RPRD1B: variants seen among roughly 807,000 people sequenced by gnomAD.
The protein encoded by RPRD1B is regulation of nuclear pre-mRNA domain containing 1B, also known as regulation of nuclear pre-mRNA domain-containing protein 1B.
A neutral mutation model predicts 41.5 loss-of-function variants in RPRD1B; 11 were observed. The observed-to-expected ratio is 0.27, with a 90% CI of 0.17 to 0.44. The LOEUF is 0.44. RPRD1B is among the 20% of genes least tolerant of loss of function. The pLI is 1.00. For synonymous variants in RPRD1B, 158 were observed against 155.6 expected (o/e 1.02, Z -0.12); for missense variants, 248 against 389.9 (o/e 0.64, Z 3.06).
At chr20:38,052,197 T>C (rs2074192065) in intron 3 of RPRD1B, among the ~76,000 whole-genome samples, 1 of 152,216 alleles carries the variant, frequency 6.6e-6, no homozygotes, top group African/African-American at 2.4e-5. Context: ...AGGTAAGATA[T>C]TATCAGTGGG....
At chr20:38,063,451 A>G (rs952198943) in intron 5 of RPRD1B, among the ~76,000 whole-genome samples, 1 of 152,198 alleles carries the variant, frequency 6.6e-6, no homozygotes, top group Non-Finnish European at 1.5e-5. Flanking sequence ...TGTTAAACTA[A>G]TTGGAAGGTT....
chr20:38,072,069 C>A (rs1385954219), intron 6 of RPRD1B, among the ~76,000 whole-genome samples: 1 of 152,130 alleles, frequency 6.6e-6, no homozygotes, highest in African/African-American at 2.4e-5. Flanking sequence ...CTTTTGGTGT[C>A]ACATGTAATA....
rs2074617158 is a variant in RPRD1B, at chr20:38,092,227, TAAA to T, written c.*2353_*2355del. On this transcript the variant is annotated 3_prime_UTR_variant, in exon 7 of 7. Transcript: ENST00000373433. ...CTTGTTTTTGTTTGTTTGTTTTTCT[TAAA>T]GAATATTTTCAAAGCTTAAATTTGT... 2.0e-6 allele frequency: 2 copies of T among 985,252 alleles called. No individual in the cohort carries two copies. Among genetic ancestry groups the T allele is most frequent in the African/African-American group, 1.7e-5 (1 of 57,210 alleles). The allele number at this position is 985,252 out of a possible 1,614,324, so 61.0% of individuals were successfully genotyped here.
chr20:38,038,229 G>T (rs1036254873), intron 1 of RPRD1B, among the ~76,000 whole-genome samples: 7 of 151,866 alleles, frequency 4.6e-5, no homozygotes, highest in Non-Finnish European at 5.9e-5. Context: ...GAGCATTTAA[G>T]ACATCAGTTT....
intron 6 of RPRD1B, among the ~76,000 whole-genome samples, chr20:38,074,836 A>G (rs1027256292): frequency 6.6e-6 from 1 of 152,322 alleles, no homozygotes; most frequent in Middle Eastern, 3.4e-3. Context: ...AATTAGTCTC[A>G]TTACCCAGAG....
chr20:38,068,545 T>C (rs1432852974), intron 6 of RPRD1B, among the ~76,000 whole-genome samples: 1 of 152,164 alleles, frequency 6.6e-6, no homozygotes, highest in African/African-American at 2.4e-5. Context: ...ATTATAGGCA[T>C]GTACTACCAC....
rs929781238 is a variant in RPRD1B at position 38,090,790 on chromosome 20, G to A, written c.*915G>A. The A allele has an allele frequency of 4.0e-5, 39 of 985,418 alleles. No individual in the cohort carries two copies. Among genetic ancestry groups the A allele is most frequent in the Non-Finnish European group, 4.7e-5 (39 of 829,916 alleles). 61.0% of individuals were successfully genotyped at this position (985,418 alleles called of 1,614,324 possible). The stretch of plus-strand genomic sequence containing the variant: ...GTTTCTTGGACCCTTTCTTCTGGGA[G>A]TAGGGTACACACTAACGTTTAATCC... On this transcript the variant is annotated 3_prime_UTR_variant, in exon 7 of 7. Coordinates refer to ENST00000373433, the MANE Select transcript of RPRD1B (RefSeq NM_021215.4).
At chr20:38,042,959 T>G (rs552750757) in intron 2 of RPRD1B, among the ~76,000 whole-genome samples, 1 of 152,364 alleles carries the variant, frequency 6.6e-6, no homozygotes, top group Non-Finnish European at 1.5e-5. Context: ...AAACTTGCTT[T>G]TCATACAAGT....
chr20:38,050,584 T>G (rs2074175374), intron 3 of RPRD1B, among the ~76,000 whole-genome samples: 1 of 152,218 alleles, frequency 6.6e-6, no homozygotes, highest in Non-Finnish European at 1.5e-5. Context: ...AATGTACATT[T>G]GCTGGACACA....
rs187931687 is a variant in RPRD1B, at chr20:38,060,660, G to A, written c.655+1140G>A. On this transcript the variant is annotated intron_variant, in intron 5 of 6. Coordinates refer to ENST00000373433, the MANE Select transcript of RPRD1B (RefSeq NM_021215.4). ...GCAGCACAGGGAAAGACCTCAGGCA[G>A]TGGGCGTACTGGGTTGGAGAACACA... 2.1e-3 allele frequency among the ~76,000 whole-genome samples: 317 copies of A among 152,306 alleles called. 3 individuals carry two copies. Among genetic ancestry groups the A allele is most frequent in the Middle Eastern group, 3.4e-3 (1 of 294 alleles).
rs911930088 is a variant in RPRD1B at position 38,033,810 on chromosome 20, C to T, written c.-138C>T. 211 of 846,844 alleles carry T rather than the reference C, an allele frequency of 2.5e-4. No homozygotes were observed. Among genetic ancestry groups the T allele is most frequent in the Non-Finnish European group, 3.5e-4 (197 of 567,492 alleles). The allele number at this position is 846,844 out of a possible 1,614,324, so 52.5% of individuals were successfully genotyped here. On this transcript the variant is annotated 5_prime_UTR_variant, in exon 1 of 7. Coordinates refer to ENST00000373433, the MANE Select transcript of RPRD1B (RefSeq NM_021215.4). Reference sequence around the variant, plus strand: ...TACTGCGGAGACCCATCCCCTCCCCCTTCTCGCACCCCTGGCAGTCTGTCA... The same window carrying T: ...TACTGCGGAGACCCATCCCCTCCCCTTTCTCGCACCCCTGGCAGTCTGTCA...
At chr20:38,044,837 C>CT (rs1291963292) in intron 2 of RPRD1B, among the ~76,000 whole-genome samples, 1 of 152,168 alleles carries the variant, frequency 6.6e-6, no homozygotes, top group Non-Finnish European at 1.5e-5. Flanking sequence ...TCTGAACCAG[C>CT]TTTACATGAG....
chr20:38,085,839 C>CTTT (rs774430421), intron 6 of RPRD1B, among the ~76,000 whole-genome samples: 5 of 124,964 alleles, frequency 4.0e-5, no homozygotes, highest in African/African-American at 9.3e-5. Context: ...TGGAGTCAGT[C>CTTT]TTTTTTTTTT....
chr20:38,085,160 G>C (rs1308846984), intron 6 of RPRD1B, among the ~76,000 whole-genome samples: 1 of 152,168 alleles, frequency 6.6e-6, no homozygotes, highest in African/African-American at 2.4e-5. Flanking sequence ...TGGAGGAAAG[G>C]CACCCTCTGA....
chr20:38,062,607 C>T (rs1052244499), intron 5 of RPRD1B, among the ~76,000 whole-genome samples: 7 of 152,068 alleles, frequency 4.6e-5, no homozygotes, highest in African/African-American at 1.7e-4. Flanking sequence ...ATCCTGTCAC[C>T]GCCTCTACCA....
chr20:38,043,768 C>T (rs1460830991), intron 2 of RPRD1B, among the ~76,000 whole-genome samples: 1 of 152,116 alleles, frequency 6.6e-6, no homozygotes, highest in Non-Finnish European at 1.5e-5. Flanking sequence ...AAGACGATTT[C>T]TAGGTTTTTG....
chr20:38,041,257 A>ATTATGTT (rs2074063391), intron 2 of RPRD1B, among the ~76,000 whole-genome samples: 1 of 152,256 alleles, frequency 6.6e-6, no homozygotes, highest in South Asian at 2.1e-4. Context: ...TCATTAGAAT[A>ATTATGTT]TTATGTTTAT....
chr20:38,084,219 C>T (rs1407140682), intron 6 of RPRD1B, among the ~76,000 whole-genome samples: 2 of 152,070 alleles, frequency 1.3e-5, no homozygotes, highest in African/African-American at 4.8e-5. Context: ...TACTATGAAG[C>T]AGTCCTTTGA....
intron 6 of RPRD1B, among the ~76,000 whole-genome samples, chr20:38,074,844 G>A (rs956377305): frequency 1.3e-5 from 2 of 152,286 alleles, no homozygotes; most frequent in Non-Finnish European, 2.9e-5. Context: ...TCATTACCCA[G>A]AGATAACTAT....
Sources: allele counts gnomAD v4.1 joint callset (sites outside exome capture counted in the v4.1 genomes callset), GRCh38; gene constraint gnomAD v4.1.1; transcripts MANE v1.5; gene names NCBI Gene and HGNC (gene_info 2026-07-23, HGNC 2026-07-21).